Variants in MEMO1 observed in about 807,000 individuals in gnomAD.
MEMO1 encodes the protein mediator of cell motility 1.
Under a neutral mutation model 45.2 loss-of-function variants are expected in MEMO1, and 6 were observed. The observed-to-expected ratio is 0.13, with a 90% CI of 0.07 to 0.26. The LOEUF (loss-of-function observed/expected upper bound fraction) is 0.26, where lower values mean the gene tolerates loss of function less well. MEMO1 is among the 10% of genes least tolerant of loss of function. MEMO1 has a pLI of 1.00. For missense variants in MEMO1, 184 were observed against 370.5 expected (o/e 0.50, Z 4.13); for synonymous variants, 78 against 124.3 (o/e 0.63, Z 2.48).
At chr2:31,881,904 A>T (rs1343362406) in intron 8 of MEMO1, among the ~76,000 whole-genome samples, 1 of 152,096 alleles carries the variant, frequency 6.6e-6, no homozygotes, top group Non-Finnish European at 1.5e-5. Flanking sequence ...AGGACTTTTG[A>T]GAGGCTGAGG....
At chr2:31,872,720 T>G (rs1298205031) in intron 8 of MEMO1, among the ~76,000 whole-genome samples, 1 of 152,118 alleles carries the variant, frequency 6.6e-6, no homozygotes, top group Non-Finnish European at 1.5e-5. Flanking sequence ...TGTACAAAAA[T>G]TTTAATTCTT....
intron 4 of MEMO1, among the ~76,000 whole-genome samples, chr2:31,925,281 T>TC (rs1682909975): frequency 6.6e-6 from 1 of 151,704 alleles, no homozygotes; most frequent in South Asian, 2.1e-4. Flanking sequence ...ATCGAGACCA[T>TC]CTGGCTAACA....
At chr2:31,999,915 A>C (rs1572941796) in intron 2 of MEMO1, among the ~76,000 whole-genome samples, 1 of 141,364 alleles carries the variant, frequency 7.1e-6, no homozygotes, top group Non-Finnish European at 1.5e-5. Context: ...ACAAATCCTC[A>C]ATCTGTCGCC....
chr2:31,932,936 A>G (rs1664359013), intron 3 of MEMO1, among the ~76,000 whole-genome samples: 1 of 152,134 alleles, frequency 6.6e-6, no homozygotes, highest in Admixed American at 6.6e-5. Flanking sequence ...CTCCGAATTC[A>G]GTCAATTCTC....
intron 2 of MEMO1, among the ~76,000 whole-genome samples, 179 bp downstream of exon 2, chr2:32,010,008 G>T (rs1049816088): frequency 1.2e-4 from 18 of 149,582 alleles, no homozygotes; most frequent in South Asian, 2.1e-4. Context: ...CCGCCCGGGT[G>T]GGGGAGGCGG....
At chr2:31,873,028 T>C (rs957323245) in intron 8 of MEMO1, among the ~76,000 whole-genome samples, 10 of 152,078 alleles carry the variant, frequency 6.6e-5, no homozygotes, top group African/African-American at 2.4e-4. Context: ...TCCAAAAAGA[T>C]AGAAATGCTA....
intron 6 of MEMO1, among the ~76,000 whole-genome samples, chr2:31,896,238 C>CAAAATA (rs1032033004): frequency 3.9e-5 from 6 of 151,974 alleles, no homozygotes; most frequent in Non-Finnish European, 5.9e-5. Context: ...ATCCATACAC[C>CAAAATA]AAAATAAAAA....
At chr2:31,931,885 C>A (rs1664221061) in intron 4 of MEMO1, among the ~76,000 whole-genome samples, 182 bp downstream of exon 4, 1 of 151,988 alleles carries the variant, frequency 6.6e-6, no homozygotes, top group Non-Finnish European at 1.5e-5. Context: ...GCTCCAACAA[C>A]AACAAAAAAG....
chr2:31,977,592 C>T (rs1020719546), intron 2 of MEMO1, among the ~76,000 whole-genome samples: 1 of 152,194 alleles, frequency 6.6e-6, no homozygotes, highest in Non-Finnish European at 1.5e-5. Context: ...CAGCTCACCA[C>T]AACCTCTGCC....
chr2:31,994,547 C>A (rs928909518), intron 2 of MEMO1, among the ~76,000 whole-genome samples: 6 of 151,378 alleles, frequency 4.0e-5, no homozygotes, highest in Non-Finnish European at 8.8e-5. Context: ...CAAGACATCA[C>A]TTGAACCTGG....
chr2:32,006,467 A>C (rs1674080979), intron 2 of MEMO1, among the ~76,000 whole-genome samples: 2 of 152,172 alleles, frequency 1.3e-5, no homozygotes, highest in Non-Finnish European at 2.9e-5. Flanking sequence ...TTCTATGAAG[A>C]GCCAAAGAGT....
In MEMO1 at chr2:31,952,772, G is replaced by A. The variant is rs550917383; in HGVS notation, c.62-9389C>T. Among the ~76,000 whole-genome samples the A allele has an allele frequency of 2.4e-3, 367 of 152,192 alleles. 1 individual carries two copies. Among genetic ancestry groups the A allele is most frequent in the Non-Finnish European group, 3.6e-3 (242 of 67,998 alleles). ...AGAAAATTTGAGGAATATGTATGAGGAGAACCACAATCCCATAATTACTAA... is the reference window on the plus strand; with the variant it reads ...AGAAAATTTGAGGAATATGTATGAGAAGAACCACAATCCCATAATTACTAA... On this transcript the variant is annotated intron_variant, in intron 2 of 9. Coordinates refer to ENST00000404530, the MANE Select transcript of MEMO1 (RefSeq NM_001301833.4).
At chr2:31,894,884 A>C (rs1677522585) in intron 6 of MEMO1, among the ~76,000 whole-genome samples, 1 of 152,172 alleles carries the variant, frequency 6.6e-6, no homozygotes, top group African/African-American at 2.4e-5. Flanking sequence ...TCCTCCCTTC[A>C]CAGCCTCCAT....
At chr2:31,887,974 GGTAT>G (rs1241958098) in intron 7 of MEMO1, among the ~76,000 whole-genome samples, 1 of 151,864 alleles carries the variant, frequency 6.6e-6, no homozygotes, top group Non-Finnish European at 1.5e-5. Flanking sequence ...TTTAATAAGT[GGTAT>G]GTATTTATAA....
At chr2:31,930,745 A>C (rs1187533084) in intron 4 of MEMO1, among the ~76,000 whole-genome samples, 2 of 151,740 alleles carry the variant, frequency 1.3e-5, no homozygotes, top group African/African-American at 4.8e-5. Flanking sequence ...TCCCGGATTC[A>C]AGTGATTCCC....
chr2:32,002,960 T>G (rs1169588542), intron 2 of MEMO1, among the ~76,000 whole-genome samples: 1 of 152,196 alleles, frequency 6.6e-6, no homozygotes, highest in Non-Finnish European at 1.5e-5. Flanking sequence ...TAGGATGGGA[T>G]GCAAAGAAAA....
At chr2:31,915,613 AAAAG>A (rs1387559027) in intron 6 of MEMO1, among the ~76,000 whole-genome samples, 5 of 152,170 alleles carry the variant, frequency 3.3e-5, no homozygotes, top group Non-Finnish European at 7.4e-5. Flanking sequence ...AGTAGCAAAA[AAAAG>A]AAAGAAAAAA....
chr2:31,896,091 C>A (rs1482999991), intron 6 of MEMO1, among the ~76,000 whole-genome samples: 4 of 152,038 alleles, frequency 2.6e-5, no homozygotes, highest in African/African-American at 4.8e-5. Flanking sequence ...GATCCGCCCG[C>A]CTCAGCCTCC....
intron 2 of MEMO1, among the ~76,000 whole-genome samples, chr2:31,984,549 C>T (rs868100204): frequency 6.6e-6 from 1 of 152,160 alleles, no homozygotes; most frequent in Non-Finnish European, 1.5e-5. Flanking sequence ...GTGGCTCACA[C>T]CTGTAATCTC....
Sources: allele counts gnomAD v4.1 joint callset (sites outside exome capture counted in the v4.1 genomes callset), GRCh38; gene constraint gnomAD v4.1.1; transcripts MANE v1.5; gene names NCBI Gene and HGNC (gene_info 2026-07-23, HGNC 2026-07-21).